RGL1: variants seen among roughly 807,000 people sequenced by gnomAD.
RGL1 encodes the protein ral guanine nucleotide dissociation stimulator like 1.
RGL1 carries 24 observed loss-of-function variants against 95.2 expected under a neutral mutation model. That is an observed-to-expected ratio of 0.25 (90% CI 0.18 to 0.35). RGL1 has a LOEUF of 0.35. Among genes scored for constraint, RGL1 ranks in the 10% least tolerant of loss-of-function variants. RGL1 has a pLI of 1.00. For missense variants in RGL1, 715 were observed against 936.3 expected (o/e 0.76, Z 3.08); for synonymous variants, 329 against 344.9 (o/e 0.95, Z 0.51).
At position 183,724,061 on chromosome 1, in the gene RGL1, G is replaced by C. The variant is rs1363370708; in HGVS notation, c.-32-18065G>C. ...ACATTACTAGACACACCCTGGGCCA[G>C]AAGCAAACTCATTGCCTTGAAGGGA... On this transcript the variant is annotated intron_variant, in intron 1 of 18. Coordinates refer to the RGL1 transcript ENST00000304685. This position sits in a 1 kb window ranked among gnomAD's most constrained non-coding sequence, Gnocchi z 4.1. 6.6e-6 allele frequency among the ~76,000 whole-genome samples: 1 copy of C among 152,152 alleles called. No individual in the cohort carries two copies. The highest frequency in any genetic ancestry group is 1.5e-5 in the Non-Finnish European group (1 of 68,034).
At chr1:183,923,940 T>A (rs1669463808) in intron 17 of RGL1, among the ~76,000 whole-genome samples, 1 of 152,222 alleles carries the variant, frequency 6.6e-6, no homozygotes. Context: ...GCCTCTCTGG[T>A]TGCCTCCCCG....
intron 4 of RGL1, among the ~76,000 whole-genome samples, chr1:183,874,173 T>G (rs1666350212): frequency 6.6e-6 from 1 of 152,200 alleles, no homozygotes; most frequent in African/African-American, 2.4e-5. Flanking sequence ...TCATAATGAT[T>G]ATGTTTTATT....
chr1:183,847,485 TG>T, intron 2 of RGL1, 80 bp from the exon 3 acceptor site: 1 of 1,116,902 alleles, frequency 9.0e-7, no homozygotes, highest in South Asian at 1.4e-5. Context: ...TAACAGGCTA[TG>T]GCCTTCAACT....
intron 1 of RGL1, among the ~76,000 whole-genome samples, chr1:183,641,335 C>G (rs1258158934): frequency 2.6e-5 from 4 of 152,108 alleles, no homozygotes; most frequent in African/African-American, 9.7e-5. Flanking sequence ...GGGTTTTGCT[C>G]TATTGCCCAG....
chr1:183,926,442 T>C lies in RGL1; in HGVS notation c.*150T>C. 1 of 544,988 alleles carries C rather than the reference T, an allele frequency of 1.8e-6. No individual in the cohort carries two copies. The highest frequency in any genetic ancestry group is 3.1e-6 in the Non-Finnish European group (1 of 318,660). 33.8% of individuals were successfully genotyped at this position (544,988 alleles called of 1,614,324 possible). A position where few individuals can be genotyped will look rare whatever the true frequency, so the allele number is the denominator to read the frequency against. On this transcript the variant is annotated 3_prime_UTR_variant, in exon 18 of 18. Coordinates refer to ENST00000360851, the MANE Select transcript of RGL1 (RefSeq NM_001297671.3). ...TCCTGTGGTGTGCAAAGCATTATGATAGGCACCGTGGGGAAACTGGAAATG... is the reference window on the plus strand; with the variant it reads ...TCCTGTGGTGTGCAAAGCATTATGACAGGCACCGTGGGGAAACTGGAAATG...
At chr1:183,725,559 A>G (rs1022524230) in intron 1 of RGL1, among the ~76,000 whole-genome samples, 7 of 152,232 alleles carry the variant, frequency 4.6e-5, no homozygotes, top group African/African-American at 1.7e-4. Flanking sequence ...GCCAAAAAAA[A>G]TAAGAACTAT....
intron 1 of RGL1, among the ~76,000 whole-genome samples, chr1:183,643,262 TTTTATTTATTTA>T (rs374025637): frequency 2.4e-3 from 329 of 136,494 alleles, no homozygotes; most frequent in African/African-American, 6.0e-3. Context: ...GGTCCTGTTT[TTTTATTTATTTA>T]TTTATTTATT....
At chr1:183,645,987 A>G (rs1650266120) in intron 1 of RGL1, among the ~76,000 whole-genome samples, 1 of 152,212 alleles carries the variant, frequency 6.6e-6, no homozygotes, top group Admixed American at 6.5e-5. Context: ...ATCCAGGTTC[A>G]GTTCATCATC....
In RGL1 at chr1:183,884,709, C is replaced by G; in HGVS notation, c.736-14C>G. 6.2e-7 allele frequency: 1 copy of G among 1,612,088 alleles called. No individual in the cohort carries two copies. On this transcript the variant is annotated splice_polypyrimidine_tract_variant and intron_variant, in intron 6 of 17. Coordinates refer to ENST00000360851, the MANE Select transcript of RGL1 (RefSeq NM_001297671.3). ...TCTGTGTTGTCCTTAAAGTCAGTTC[C>G]TCTTTTGTTCCAGCAACTCTTCAAG...
chr1:183,725,449 TA>T (rs1656259023), intron 1 of RGL1, among the ~76,000 whole-genome samples: 1 of 152,134 alleles, frequency 6.6e-6, no homozygotes, highest in Non-Finnish European at 1.5e-5. Context: ...GCTGAACTTT[TA>T]AAAACCCAAT....
intron 1 of RGL1, among the ~76,000 whole-genome samples, chr1:183,645,224 T>TA (rs1650202209): frequency 6.6e-6 from 1 of 150,634 alleles, no homozygotes; most frequent in Admixed American, 6.6e-5. Context: ...TTATAAGTCT[T>TA]ACTAGAAATC....
chr1:183,813,328 A>G (rs12727232), intron 2 of RGL1, among the ~76,000 whole-genome samples: 37,301 of 152,158 alleles, frequency 0.25, 5,493 homozygotes, highest in Middle Eastern at 0.35. Context: ...GCCTTCCTCC[A>G]TATACACTAG....
At chr1:183,796,274 C>T (rs1361862828) in intron 2 of RGL1, among the ~76,000 whole-genome samples, 4 of 151,188 alleles carry the variant, frequency 2.6e-5, no homozygotes, top group Admixed American at 6.6e-5. Flanking sequence ...AAGCAATTCT[C>T]CTGCCCCAGC....
rs372557691 is a variant in RGL1, at chr1:183,806,380, G to A, written c.33G>A (p.Ser11=). The change falls in exon 2 of 18, where the codon TCG becomes TCA. Residue 11 remains serine, a synonymous_variant. Transcript: ENST00000360851. MKLLWQAKMS[S]IQDWGEEVEE... ...CTTTATCCCGTCCCTGGCAGAGCTC[G>A]ATTCAGGACTGGGGTGAAGAGGTAG... The A allele has an allele frequency of 5.0e-6, 8 of 1,613,114 alleles. No homozygotes were observed. Among genetic ancestry groups the A allele is most frequent in the East Asian group, 4.5e-5 (2 of 44,872 alleles).
intron 2 of RGL1, among the ~76,000 whole-genome samples, chr1:183,784,232 G>A (rs182903224): frequency 2.4e-4 from 36 of 152,294 alleles, no homozygotes; most frequent in African/African-American, 7.5e-4. Flanking sequence ...GATGACAAGC[G>A]GTCACCCAGA....
chr1:183,819,686 A>G (rs1271363022), intron 2 of RGL1, among the ~76,000 whole-genome samples: 4 of 151,928 alleles, frequency 2.6e-5, no homozygotes, highest in South Asian at 2.1e-4. Flanking sequence ...TTTTCTTTGC[A>G]TCGGTGTTCA....
At chr1:183,735,871 AAT>A (rs965019915) in intron 1 of RGL1, among the ~76,000 whole-genome samples, 4 of 152,210 alleles carry the variant, frequency 2.6e-5, no homozygotes, top group Admixed American at 2.6e-4. Flanking sequence ...TCTCAGAAGA[AAT>A]AGACTAGTGA....
intron 1 of RGL1, among the ~76,000 whole-genome samples, chr1:183,705,106 TA>T (rs1438085124): frequency 6.6e-6 from 1 of 152,160 alleles, no homozygotes; most frequent in Non-Finnish European, 1.5e-5. Context: ...GTGCAGGGTT[TA>T]AAGGCTCATG....
intron 2 of RGL1, among the ~76,000 whole-genome samples, chr1:183,831,629 A>G (rs916656564): frequency 3.3e-5 from 5 of 152,362 alleles, no homozygotes; most frequent in Middle Eastern, 3.4e-3. Context: ...CAGACTTTAT[A>G]TGTACATATT....
Sources: allele counts gnomAD v4.1 joint callset (sites outside exome capture counted in the v4.1 genomes callset), GRCh38; gene constraint gnomAD v4.1.1; non-coding constraint Gnocchi (gnomAD v3.1); transcripts MANE v1.5; gene names NCBI Gene and HGNC (gene_info 2026-07-23, HGNC 2026-07-21).